Variants in RUFY3 observed in about 807,000 individuals in gnomAD.
RUFY3 encodes the protein protein RUFY3.
In RUFY3, 34 loss-of-function variants were observed where a neutral mutation model predicts 84.0. The observed-to-expected ratio is 0.40, with a 90% CI of 0.31 to 0.54. The LOEUF is 0.54. RUFY3 is among the 20% of genes least tolerant of loss of function. The pLI is 0.39. For missense variants in RUFY3, 507 were observed against 736.8 expected (o/e 0.69, Z 3.61); for synonymous variants, 242 against 252.9 (o/e 0.96, Z 0.41).
chr4:70,755,412 A>G (rs1231992859), intron 1 of RUFY3, among the ~76,000 whole-genome samples: 1 of 152,228 alleles, frequency 6.6e-6, no homozygotes, highest in African/African-American at 2.4e-5. Context: ...TATTTAGAAA[A>G]CATTTCAAGA....
At chr4:70,770,499 C>T (rs1396403623) in intron 5 of RUFY3, among the ~76,000 whole-genome samples, 2 of 152,186 alleles carry the variant, frequency 1.3e-5, no homozygotes, top group Non-Finnish European at 2.9e-5. Flanking sequence ...TTCCTTAAAC[C>T]TCGTAAACCA....
intron 4 of RUFY3, among the ~76,000 whole-genome samples, chr4:70,766,674 A>G (rs1327168723): frequency 1.3e-5 from 2 of 152,208 alleles, no homozygotes; most frequent in Non-Finnish European, 2.9e-5. Context: ...CCTCATTATC[A>G]ACATCCCACA....
chr4:70,745,172 C>T (rs1159312894), intron 1 of RUFY3, among the ~76,000 whole-genome samples: 2 of 151,122 alleles, frequency 1.3e-5, no homozygotes, highest in Non-Finnish European at 3.0e-5. Context: ...TCTCAATCTC[C>T]TGACCTCGTG....
At chr4:70,715,507 GCT>G (rs1741458933) in intron 1 of RUFY3, among the ~76,000 whole-genome samples, 2 of 147,514 alleles carry the variant, frequency 1.4e-5, no homozygotes, top group Non-Finnish European at 1.5e-5. Context: ...CAGAAGAATC[GCT>G]TGAACCCGGG....
chr4:70,705,482 C>T (rs912935929), intron 1 of RUFY3, among the ~76,000 whole-genome samples: 1 of 152,150 alleles, frequency 6.6e-6, no homozygotes, highest in African/African-American at 2.4e-5. Flanking sequence ...GGCAGCGGGA[C>T]GACCGCGGTT....
intron 10 of RUFY3, among the ~76,000 whole-genome samples, chr4:70,787,926 A>G (rs979686088): frequency 3.9e-5 from 6 of 152,172 alleles, no homozygotes; most frequent in Non-Finnish European, 8.8e-5. Flanking sequence ...TGTATCTTCG[A>G]TCACCCACAT....
At chr4:70,774,453 CAA>C (rs1276656505) in intron 6 of RUFY3, among the ~76,000 whole-genome samples, 6 of 127,308 alleles carry the variant, frequency 4.7e-5, no homozygotes, top group Non-Finnish European at 5.1e-5. Context: ...TACAATAATA[CAA>C]AAAAAAAAAA....
intron 5 of RUFY3, among the ~76,000 whole-genome samples, chr4:70,768,901 T>C (rs188090099): frequency 3.3e-5 from 5 of 151,968 alleles, no homozygotes; most frequent in Admixed American, 1.3e-4. Flanking sequence ...AACATACATA[T>C]ACACACACAC....
chr4:70,797,594 C>G (rs1031651975), intron 14 of RUFY3, among the ~76,000 whole-genome samples: 3 of 151,748 alleles, frequency 2.0e-5, no homozygotes, highest in Non-Finnish European at 4.4e-5. Context: ...CCTGTAATCC[C>G]AGCACTTTGG....
intron 15 of RUFY3, among the ~76,000 whole-genome samples, chr4:70,802,019 A>G (rs1460310243): frequency 6.6e-6 from 1 of 152,240 alleles, no homozygotes; most frequent in Non-Finnish European, 1.5e-5. Flanking sequence ...TTTGTTTCAC[A>G]TTTATTATCT....
chr4:70,804,104 A>G (rs767377344), intron 16 of RUFY3, among the ~76,000 whole-genome samples: 6 of 152,142 alleles, frequency 3.9e-5, no homozygotes, highest in Non-Finnish European at 8.8e-5. Context: ...TTTTTACTCT[A>G]TACTTGCATG....
At chr4:70,786,332 G>A (rs148952780) in intron 10 of RUFY3, among the ~76,000 whole-genome samples, 1 of 152,188 alleles carries the variant, frequency 6.6e-6, no homozygotes, top group African/African-American at 2.4e-5. Context: ...GTTGCATAGT[G>A]TGGGGTGACT....
chr4:70,716,469 C>T (rs1291845436), intron 1 of RUFY3, among the ~76,000 whole-genome samples: 1 of 152,090 alleles, frequency 6.6e-6, no homozygotes, highest in Non-Finnish European at 1.5e-5. Flanking sequence ...TTTGTACATG[C>T]ATTGGAACAC....
intron 1 of RUFY3, among the ~76,000 whole-genome samples, chr4:70,735,483 A>C (rs1470524025): frequency 6.6e-6 from 1 of 152,202 alleles, no homozygotes; most frequent in East Asian, 1.9e-4. Context: ...AAGTAATTAT[A>C]TATTTTTCAT....
intron 12 of RUFY3, chr4:70,791,878 T>A: frequency 1.0e-6 from 1 of 985,486 alleles, no homozygotes; most frequent in Non-Finnish European, 1.2e-6. Flanking sequence ...TAACCAAGAT[T>A]GCTTGCAACT....
At chr4:70,788,769 A>T in intron 10 of RUFY3, 37 bp from the exon 11 acceptor site, 1 of 1,607,924 alleles carries the variant, frequency 6.2e-7, no homozygotes, top group Non-Finnish European at 8.5e-7. Context: ...TAGTTGAAGG[A>T]ACAGAGTGTA....
intron 1 of RUFY3, among the ~76,000 whole-genome samples, chr4:70,712,616 C>T (rs1443918234): frequency 6.6e-6 from 1 of 152,036 alleles, no homozygotes; most frequent in Non-Finnish European, 1.5e-5. Context: ...TATCAAGAAG[C>T]TAAGAGACCA....
intron 8 of RUFY3, among the ~76,000 whole-genome samples, chr4:70,779,474 C>G (rs1728534321): frequency 6.6e-6 from 1 of 152,036 alleles, no homozygotes; most frequent in South Asian, 2.1e-4. Flanking sequence ...CTTAACTTGC[C>G]AAGCCTTAGC....
upstream of RUFY3, among the ~76,000 whole-genome samples, chr4:70,717,268 A>G (rs559043288): frequency 2.0e-4 from 30 of 152,184 alleles, no homozygotes; most frequent in Non-Finnish European, 4.3e-4. Context: ...GGTGTTCTTA[A>G]TGTGTCCAAC....
Sources: gnomAD v4.1 joint callset for allele counts (sites outside exome capture counted in the v4.1 genomes callset) on GRCh38, gnomAD v4.1.1 for gene constraint, MANE v1.5 for transcripts, NCBI Gene and HGNC (gene_info 2026-07-23, HGNC 2026-07-21) for gene names.